Variants in CD200 observed in about 807,000 individuals in gnomAD.
The protein encoded by CD200 is CD200 molecule.
In CD200, 15 loss-of-function variants were observed where a neutral mutation model predicts 30.9. The observed-to-expected ratio is 0.49, with a 90% CI of 0.32 to 0.75. The LOEUF is 0.75. Among genes scored for constraint, CD200 ranks in the 30% least tolerant of loss-of-function variants. The probability of loss-of-function intolerance (pLI) is 0.03; values close to 1 mark genes in which losing one functional copy is unlikely to be tolerated. For missense variants in CD200, 262 were observed against 324.2 expected (o/e 0.81, Z 1.47); for synonymous variants, 134 against 126.2 (o/e 1.06, Z -0.41).
At chr3:112,333,065 G>T, upstream of CD200, 1 of 1,177,864 alleles carries the variant, frequency 8.5e-7, no homozygotes, top group South Asian at 1.3e-5. Flanking sequence ...TGAGGGCGTG[G>T]GGAAAACGGA....
chr3:112,340,046 G>A (rs1039140361), intron 1 of CD200, among the ~76,000 whole-genome samples: 1 of 152,070 alleles, frequency 6.6e-6, no homozygotes, highest in Non-Finnish European at 1.5e-5. Flanking sequence ...TCTCCAGTTG[G>A]AATAGTAACA....
At position 112,360,777 on chromosome 3, in the gene CD200, G is replaced by A. The variant is rs116262951; in HGVS notation, c.803-766G>A. Reference sequence around the variant, plus strand: ...ACTTCATCGTCTATGTGCCTTGAGAGGTTTCCAGGCTCCCAGTATGTGCCA... The same window carrying A: ...ACTTCATCGTCTATGTGCCTTGAGAAGTTTCCAGGCTCCCAGTATGTGCCA... On this transcript the variant is annotated intron_variant, in intron 5 of 5. Transcript: ENST00000315711. Among the ~76,000 whole-genome samples, 1,056 of 152,296 alleles carry A rather than the reference G, an allele frequency of 6.9e-3. 2 individuals carry two copies. Among genetic ancestry groups the A allele is most frequent in the Non-Finnish European group, 0.011 (717 of 68,024 alleles).
In CD200 at chr3:112,342,364, TC is replaced by T. The variant is rs1559783376; in HGVS notation, c.94+1382del. On this transcript the variant is annotated intron_variant, in intron 2 of 5. Transcript: ENST00000315711. ...TTCTTTCTTTCTTTCTTTCTTTCTT[TC>T]TTTCTTTCTTTCTTTCTTTCTTTCT... Among the ~76,000 whole-genome samples, 13 of 29,846 alleles carry T rather than the reference TC, an allele frequency of 4.4e-4. 2 individuals are homozygous for T. The highest frequency in any genetic ancestry group is 1.3e-3 in the African/African-American group (11 of 8,642). The allele number at this position is 29,846 out of a possible 152,430, so 19.6% of individuals were successfully genotyped here. A position where few individuals can be genotyped will look rare whatever the true frequency, so the allele number is the denominator to read the frequency against.
At position 112,361,926 on chromosome 3, in the gene CD200, A is replaced by G. The variant is rs1187948334; in HGVS notation, c.*376A>G. On this transcript the variant is annotated 3_prime_UTR_variant, in exon 6 of 6. Transcript: ENST00000315711. ...CCAAAGTATAAAGGAATTGGACCAA[A>G]TAATTTACCACATAGCTCTAAAACT... 4.6e-6 allele frequency: 1 copy of G among 216,172 alleles called. No individual in the cohort carries two copies. The highest frequency in any genetic ancestry group is 9.0e-6 in the Non-Finnish European group (1 of 110,572). The allele number at this position is 216,172 out of a possible 1,614,324, so 13.4% of individuals were successfully genotyped here. A position where few individuals can be genotyped will look rare whatever the true frequency, so the allele number is the denominator to read the frequency against.
At chr3:112,357,827 C>T (rs1324724880) in intron 5 of CD200, among the ~76,000 whole-genome samples, 1 of 152,184 alleles carries the variant, frequency 6.6e-6, no homozygotes, top group Non-Finnish European at 1.5e-5. Flanking sequence ...ACTTAAGTTC[C>T]TATGGCATAT....
Position 112,345,128 on chromosome 3 carries a change from G to T in CD200, c.261G>T (p.Gln87His). 1 of 1,614,080 alleles carries T rather than the reference G, an allele frequency of 6.2e-7. No individual in the cohort carries two copies. The highest frequency in any genetic ancestry group is 8.5e-7 in the Non-Finnish European group (1 of 1,179,986). The change falls in exon 3 of 6, where the codon CAG becomes CAT. Residue 87 changes from glutamine to histidine, a missense_variant. Physicochemically the swap from Gln to His is conservative, Grantham distance 24. Coordinates refer to ENST00000315711, the MANE Select transcript of CD200 (RefSeq NM_005944.7). ...GCGAGAACCATGGGGTGGTGATCCA[G>T]CCTGCCTATAAGGACAAGATAAACA... ...TFSENHGVVI[Q>H]PAYKDKINIT...
intron 1 of CD200, chr3:112,334,339 G>A: frequency 1.5e-6 from 1 of 676,546 alleles, no homozygotes; most frequent in Non-Finnish European, 1.8e-6. Context: ...GGACTGCATG[G>A]CAAGGGTTAT....
At chr3:112,356,290 G>A (rs2081621895) in intron 5 of CD200, among the ~76,000 whole-genome samples, 1 of 152,060 alleles carries the variant, frequency 6.6e-6, no homozygotes, top group Non-Finnish European at 1.5e-5. Flanking sequence ...ATACCTTTGG[G>A]ATTATGTACA....
chr3:112,350,078 C>G, intron 5 of CD200: 1 of 634,534 alleles, frequency 1.6e-6, no homozygotes, highest in Non-Finnish European at 2.0e-6. Flanking sequence ...GTGATAGAAC[C>G]AAAGAAAGAA....
intron 5 of CD200, chr3:112,350,063 C>T (rs1360214074): frequency 1.3e-6 from 1 of 741,208 alleles, no homozygotes; most frequent in Non-Finnish European, 1.6e-6. Flanking sequence ...TGAAATCAAA[C>T]AATGGTGATA....
intron 2 of CD200, among the ~76,000 whole-genome samples, chr3:112,344,749 T>G (rs1186149655): frequency 6.6e-6 from 1 of 152,256 alleles, no homozygotes; most frequent in Non-Finnish European, 1.5e-5. Context: ...CTCTTGTTTT[T>G]CTACTCTGCT....
At chr3:112,352,764 A>G (rs2081558088) in intron 5 of CD200, among the ~76,000 whole-genome samples, 1 of 152,226 alleles carries the variant, frequency 6.6e-6, no homozygotes, top group East Asian at 1.9e-4. Flanking sequence ...TTTAGGTCAT[A>G]ATCACTACTC....
At chr3:112,357,157 A>G (rs2081639326) in intron 5 of CD200, among the ~76,000 whole-genome samples, 1 of 149,992 alleles carries the variant, frequency 6.7e-6, no homozygotes, top group South Asian at 2.1e-4. Context: ...GCTACTCGGG[A>G]GGCTGAGGCA....
At chr3:112,348,299 G>A (rs1415899058) in intron 4 of CD200, among the ~76,000 whole-genome samples, 3 of 152,168 alleles carry the variant, frequency 2.0e-5, no homozygotes, top group Non-Finnish European at 4.4e-5. Flanking sequence ...GCTCAATCTG[G>A]GGGAGATTTG....
chr3:112,333,340 C>A, intron 1 of CD200, 116 bp downstream of exon 1: 1 of 1,464,118 alleles, frequency 6.8e-7, no homozygotes, highest in South Asian at 1.4e-5. Context: ...ACAATCTGGT[C>A]CGGGGACTAG....
rs780400421 is a variant in CD200 at position 112,340,976 on chromosome 3, A to G, written c.87A>G (p.Thr29=). ...TCATGGCAGCAGTGGTGCTGTGCAC[A>G]GCACAAGGTAAAGAAACTCAATTCC... ...VWVMAAVVLC[T]AQVQVVTQDE... Residue 29 remains threonine, a synonymous_variant, in exon 2 of 6, where the codon ACA becomes ACG. Transcript: ENST00000315711. 1.2e-6 allele frequency: 2 copies of G among 1,607,878 alleles called. No homozygotes were observed. The highest frequency in any genetic ancestry group is 1.1e-5 in the South Asian group (1 of 90,808).
At chr3:112,359,448 A>G (rs531403206) in intron 5 of CD200, among the ~76,000 whole-genome samples, 3 of 152,356 alleles carry the variant, frequency 2.0e-5, no homozygotes, top group Admixed American at 6.5e-5. Flanking sequence ...TTCAGAAGAT[A>G]AAACTTTGTA....
chr3:112,341,113 C>G (rs1241182935), intron 2 of CD200, 130 bp downstream of exon 2: 1 of 539,116 alleles, frequency 1.9e-6, no homozygotes, highest in Non-Finnish European at 3.2e-6. Context: ...TGTAATCTGC[C>G]TGGAGGAGTG....
At chr3:112,343,043 G>A (rs1272638920) in intron 2 of CD200, among the ~76,000 whole-genome samples, 1 of 151,678 alleles carries the variant, frequency 6.6e-6, no homozygotes. Context: ...TGAGTTATTG[G>A]GTTTGTAAAG....
Sources: gnomAD v4.1 joint callset for allele counts (sites outside exome capture counted in the v4.1 genomes callset) on GRCh38, gnomAD v4.1.1 for gene constraint, MANE v1.5 for transcripts, NCBI Gene and HGNC (gene_info 2026-07-23, HGNC 2026-07-21) for gene names.